The following NAV3 variants were observed in gnomAD, a reference collection of about 807,000 sequenced individuals.
NAV3 encodes pore membrane and/or filament interacting like protein 1.
In NAV3, 87 loss-of-function variants were observed where a neutral mutation model predicts 244.7. That is an observed-to-expected ratio of 0.36 (90% confidence interval 0.30 to 0.42). The LOEUF (loss-of-function observed/expected upper bound fraction) is 0.42. Ranked by LOEUF, NAV3 falls within the 20% of genes least tolerant of loss-of-function variation. NAV3 has a pLI of 1.00. For synonymous variants in NAV3, 1,126 were observed against 1,042.2 expected (o/e 1.08, Z -1.55); for missense variants, 2,663 against 2,893.3 (o/e 0.92, Z 1.83).
chr12:77,866,404 C>T (rs1880033955), intron 1 of NAV3, among the ~76,000 whole-genome samples: 2 of 152,162 alleles, frequency 1.3e-5, no homozygotes, highest in East Asian at 1.9e-4. Flanking sequence ...TGCCTGCTGG[C>T]TCATGTAGAC....
Position 78,212,313 on chromosome 12 carries a change from G to C in NAV3, c.*1796G>C, listed in dbSNP as rs916770992. On this transcript the variant is annotated 3_prime_UTR_variant, in exon 40 of 40. Transcript: ENST00000397909. Reference sequence around the variant, plus strand: ...GCCATGGTATAGACTTCTTCTATGAGTGTGTGAAAATGTGTTACTTTTAGG... The same window carrying C: ...GCCATGGTATAGACTTCTTCTATGACTGTGTGAAAATGTGTTACTTTTAGG... 4 of 152,606 alleles carry C rather than the reference G, an allele frequency of 2.6e-5. No individual in the cohort carries two copies. The highest frequency in any genetic ancestry group is 9.7e-5 in the African/African-American group (4 of 41,428). 9.5% of individuals were successfully genotyped at this position (152,606 alleles called of 1,614,324 possible).
intron 21 of NAV3, 52 bp downstream of exon 21, chr12:78,146,444 A>G: frequency 1.2e-6 from 1 of 821,592 alleles, no homozygotes; most frequent in East Asian, 3.2e-5. Context: ...GTTTGCATTC[A>G]TGATGAAATT....
chr12:77,757,432 C>G (rs1869241410), intron 2 of NAV3, among the ~76,000 whole-genome samples: 1 of 152,184 alleles, frequency 6.6e-6, no homozygotes, highest in Non-Finnish European at 1.5e-5. Context: ...GCCTTCTTCT[C>G]TCTAATTCTA....
intron 13 of NAV3, among the ~76,000 whole-genome samples, chr12:78,117,593 T>C (rs1955477553): frequency 6.6e-6 from 1 of 150,876 alleles, no homozygotes; most frequent in South Asian, 2.1e-4. Flanking sequence ...GCCATATCTC[T>C]CCTTACAATA....
At position 77,706,446 on chromosome 12, in the gene NAV3, A is replaced by T. The variant is rs1243692759; in HGVS notation, c.72+134180A>T. On this transcript the variant is annotated intron_variant, in intron 2 of 8. Transcript: ENST00000550042. The stretch of plus-strand genomic sequence containing the variant: ...TCTATGCCTTCAATCCACTATTGAG[A>T]CCTACGTTGAAACTCTACTTTTCAT... Among the ~76,000 whole-genome samples the T allele has an allele frequency of 2.0e-5, 3 of 151,322 alleles. 1 individual carries two copies. The highest frequency in any genetic ancestry group is 4.4e-5 in the Non-Finnish European group (3 of 67,942).
At chr12:77,929,488 C>T (rs1234569581) in intron 1 of NAV3, among the ~76,000 whole-genome samples, 1 of 152,110 alleles carries the variant, frequency 6.6e-6, no homozygotes, top group Non-Finnish European at 1.5e-5. Flanking sequence ...ATTTATCCAC[C>T]TTGAGTCAAA....
intron 11 of NAV3, among the ~76,000 whole-genome samples, chr12:78,051,462 G>A (rs937279409): frequency 2.0e-5 from 3 of 152,158 alleles, no homozygotes; most frequent in Non-Finnish European, 4.4e-5. Flanking sequence ...GTGGGAAGGA[G>A]ACAGGAGGAG....
In NAV3 at chr12:77,851,481, T is replaced by C. The variant is rs915276961; in HGVS notation, c.243+19777T>C. Reference sequence around the variant, plus strand: ...TTCTTGAATTTGGAAAACACTTTTGTGCTCAATGAAATCTAACTTTTGAGA... The same window carrying C: ...TTCTTGAATTTGGAAAACACTTTTGCGCTCAATGAAATCTAACTTTTGAGA... On this transcript the variant is annotated intron_variant, in intron 1 of 39. Coordinates refer to ENST00000397909, the MANE Select transcript of NAV3 (RefSeq NM_001024383.2). 3.9e-5 allele frequency among the ~76,000 whole-genome samples: 6 copies of C among 152,190 alleles called. No individual in the cohort carries two copies. The South Asian group carries it at 6.2e-4, about 16-fold the overall frequency.
chr12:77,822,036 G>C (rs544462945), intron 2 of NAV3, among the ~76,000 whole-genome samples: 1 of 151,988 alleles, frequency 6.6e-6, no homozygotes, highest in South Asian at 2.1e-4. Flanking sequence ...TTTCACTCGG[G>C]GAGCTGATAT....
intron 2 of NAV3, among the ~76,000 whole-genome samples, chr12:77,636,970 TC>T (rs1872185358): frequency 1.3e-5 from 2 of 151,776 alleles, no homozygotes. Context: ...GAGGGGAACA[TC>T]ACACACTGGG....
At chr12:78,194,634 C>T (rs1407206452) in intron 34 of NAV3, among the ~76,000 whole-genome samples, 2 of 151,992 alleles carry the variant, frequency 1.3e-5, no homozygotes, top group Non-Finnish European at 2.9e-5. Context: ...ACTCAGGTCA[C>T]CAGAAGAATG....
At chr12:77,881,076 G>T (rs73342722) in intron 1 of NAV3, among the ~76,000 whole-genome samples, 1,668 of 152,268 alleles carry the variant, frequency 0.011, 31 homozygotes, top group African/African-American at 0.038. Context: ...CTCCTGAGTA[G>T]CTAGCCCAGC....
chr12:77,648,368 C>A (rs1210307874), intron 2 of NAV3, among the ~76,000 whole-genome samples: 1 of 150,004 alleles, frequency 6.7e-6, no homozygotes, highest in Non-Finnish European at 1.5e-5. Context: ...TGGTTGGAGA[C>A]TTTAAGTCAT....
intron 16 of NAV3, among the ~76,000 whole-genome samples, chr12:78,123,678 A>G (rs1279994871): frequency 1.3e-5 from 2 of 152,204 alleles, no homozygotes; most frequent in African/African-American, 2.4e-5. Flanking sequence ...GGTGTTTCCT[A>G]TGGTGGGCTG....
At position 77,657,475 on chromosome 12, in the gene NAV3, C is replaced by A. The variant is rs369572519; in HGVS notation, c.72+85209C>A. Reference sequence around the variant, plus strand: ...TTGTGGCAATAATCAATAGCTTACCCACCAAAAAGAGTCCAGGACCAGATG... The same window carrying A: ...TTGTGGCAATAATCAATAGCTTACCAACCAAAAAGAGTCCAGGACCAGATG... On this transcript the variant is annotated intron_variant, in intron 2 of 8. Transcript: ENST00000550042. Among the ~76,000 whole-genome samples the A allele has an allele frequency of 5.9e-4, 89 of 152,036 alleles. 1 individual carries two copies. The highest frequency in any genetic ancestry group is 2.1e-3 in the African/African-American group (86 of 41,500).
intron 2 of NAV3, among the ~76,000 whole-genome samples, chr12:77,801,567 CT>C (rs1420130518): frequency 4.6e-5 from 7 of 151,984 alleles, no homozygotes; most frequent in Admixed American, 3.9e-4. Context: ...TCTTTTCATT[CT>C]TTCTCTGGTG....
At chr12:77,871,478 C>T (rs1880948347) in intron 1 of NAV3, among the ~76,000 whole-genome samples, 2 of 152,136 alleles carry the variant, frequency 1.3e-5, no homozygotes, top group Non-Finnish European at 2.9e-5. Context: ...CAATGTTCCC[C>T]TCCCTGTGTC....
At chr12:77,649,520 A>T (rs1343015571) in intron 2 of NAV3, among the ~76,000 whole-genome samples, 2 of 152,160 alleles carry the variant, frequency 1.3e-5, no homozygotes, top group Non-Finnish European at 2.9e-5. Flanking sequence ...TTCTTGGATT[A>T]TCTTTGATTC....
rs1379650870 is a variant in NAV3, at chr12:78,125,880, T to C, written c.4239-1287T>C. On this transcript the variant is annotated intron_variant, in intron 16 of 39. Coordinates refer to ENST00000397909, the MANE Select transcript of NAV3 (RefSeq NM_001024383.2). ...ATAATTTTTATACAACTGGATGAGT[T>C]TGGCAGAAGAATACCAACTTTTCAT... Among the ~76,000 whole-genome samples, 6 of 152,208 alleles carry C rather than the reference T, an allele frequency of 3.9e-5. No homozygotes were observed. In the South Asian group the frequency reaches 1.0e-3, roughly 26 times the overall value.
Sources: gnomAD v4.1 joint callset for allele counts (sites outside exome capture counted in the v4.1 genomes callset) on GRCh38, gnomAD v4.1.1 for gene constraint, MANE v1.5 for transcripts, NCBI Gene and HGNC (gene_info 2026-07-23, HGNC 2026-07-21) for gene names.